The following CILP2 variants were observed in gnomAD, a reference collection of about 807,000 sequenced individuals.
CILP2 encodes cartilage intermediate layer protein 2, also known as CILP-2.
Under a neutral mutation model 45.6 loss-of-function variants are expected in CILP2, and 38 were observed. The ratio of observed to expected loss-of-function variants is 0.83; its 90% CI spans 0.64 to 1.09. The LOEUF is 1.09. Among genes scored for constraint, CILP2 ranks in the 50% least tolerant of loss-of-function variants. The pLI, the probability that CILP2 is intolerant of heterozygous loss-of-function variation, is 0.00. For missense variants in CILP2, 1,735 were observed against 1,662.2 expected, an observed-to-expected ratio of 1.04 and a Z score of -0.76; for synonymous variants, 780 against 723.5, an observed-to-expected ratio of 1.08 and a Z score of -1.25.
rs1391342399 is a variant in CILP2, at chr19:19,540,404, T to G, written c.364T>G (p.Trp122Gly). The G allele has an allele frequency of 2.6e-6, 4 of 1,517,252 alleles. No homozygotes were observed. Among genetic ancestry groups the G allele is most frequent in the Non-Finnish European group, 3.5e-6 (4 of 1,136,312 alleles). 94.0% of individuals were successfully genotyped at this position (1,517,252 alleles called of 1,614,324 possible). The change falls in exon 3 of 8, where the codon TGG (tryptophan) becomes GGG (glycine). Residue 122 changes from tryptophan to glycine, a missense_variant. By Grantham distance (184) the Trp-to-Gly change is radical. Coordinates refer to ENST00000291495, the MANE Select transcript of CILP2 (RefSeq NM_153221.2). Reference sequence around the variant, plus strand: ...GCACTTGAACCCCACGCGCGGCTTCTGGTGCCTCAACCGCGAGCAACCGCG... The same window carrying G: ...GCACTTGAACCCCACGCGCGGCTTCGGGTGCCTCAACCGCGAGCAACCGCG... ...RVHLNPTRGF[W>G]CLNREQPRGR... is the part of the protein sequence containing the mutation.
chr19:19,545,748 G>A lies in CILP2; in HGVS notation c.3203G>A (p.Ser1068Asn). 1.2e-6 allele frequency: 2 copies of A among 1,612,240 alleles called. No homozygotes were observed. Among genetic ancestry groups the A allele is most frequent in the Non-Finnish European group, 1.7e-6 (2 of 1,179,144 alleles). ...GGCGTCTACACTGTCACTGACCAGA[G>A]CCCACGCTTGGCCAAGGAGATCGCC... ...NYGVYTVTDQ[S>N]PRLAKEIAIG... is the part of the protein sequence containing the mutation. Residue 1068 changes from serine to asparagine, a missense_variant, in exon 8 of 8, where the codon AGC becomes AAC. Ser to Asn is a conservative substitution (Grantham distance 46, BLOSUM62 1). Coordinates refer to ENST00000291495, the MANE Select transcript of CILP2 (RefSeq NM_153221.2).
intron 7 of CILP2, 95 bp from the exon 8 acceptor site, chr19:19,543,586 T>G: frequency 7.2e-7 from 1 of 1,398,300 alleles, no homozygotes; most frequent in East Asian, 2.3e-5. Context: ...CCCCTGTCCC[T>G]TAGGTGGAGT....
chr19:19,546,049 C>G lies in CILP2; in HGVS notation c.*33C>G. 1 of 1,420,736 alleles carries G rather than the reference C, an allele frequency of 7.0e-7. No homozygotes were observed. Among genetic ancestry groups the G allele is most frequent in the Non-Finnish European group, 9.2e-7 (1 of 1,089,640 alleles). The allele number at this position is 1,420,736 out of a possible 1,614,324, so 88.0% of individuals were successfully genotyped here. On this transcript the variant is annotated 3_prime_UTR_variant, in exon 8 of 8. Coordinates refer to ENST00000291495, the MANE Select transcript of CILP2 (RefSeq NM_153221.2). Reference sequence around the variant, plus strand: ...AGGGGCCTCGCTTTCCCACCTCCCTCCAGACTCCTTTGACCCCAGGAAGTT... The same window carrying G: ...AGGGGCCTCGCTTTCCCACCTCCCTGCAGACTCCTTTGACCCCAGGAAGTT...
chr19:19,542,189 T>C (rs1242778853), intron 4 of CILP2, among the ~76,000 whole-genome samples, 186 bp from the exon 5 acceptor site: 1 of 152,162 alleles, frequency 6.6e-6, no homozygotes, highest in African/African-American at 2.4e-5. Flanking sequence ...GGCCCAGTCC[T>C]GACCACTTAG....
At chr19:19,540,674 C>A in intron 3 of CILP2, 198 bp downstream of exon 3, 1 of 645,528 alleles carries the variant, frequency 1.5e-6, no homozygotes, top group Non-Finnish European at 2.4e-6. Context: ...TGAAGAGAGG[C>A]GCTGGGAACA....
chr19:19,546,179 G>A lies in CILP2; in HGVS notation c.*163G>A. Reference sequence around the variant, plus strand: ...CAGACAAGAACCCAGAGCATCCGATGGTAGAAACACCAGGAAGACAATTGT... The same window carrying A: ...CAGACAAGAACCCAGAGCATCCGATAGTAGAAACACCAGGAAGACAATTGT... On this transcript the variant is annotated 3_prime_UTR_variant, in exon 8 of 8. Transcript: ENST00000291495. 1.9e-6 allele frequency: 1 copy of A among 516,246 alleles called. No homozygotes were observed. Among genetic ancestry groups the A allele is most frequent in the Non-Finnish European group, 3.2e-6 (1 of 310,508 alleles). 32.0% of individuals were successfully genotyped at this position (516,246 alleles called of 1,614,324 possible). A position where few individuals can be genotyped will look rare whatever the true frequency, so the allele number is the denominator to read the frequency against.
intron 4 of CILP2, 129 bp from the exon 5 acceptor site, chr19:19,542,246 G>A: frequency 1.0e-6 from 1 of 964,462 alleles, no homozygotes; most frequent in East Asian, 2.6e-5. Flanking sequence ...GGGCCATGCT[G>A]AGGCCTCTGA....
Position 19,542,421 on chromosome 19 carries a change from C to G in CILP2, c.639C>G (p.Gly213=), listed in dbSNP as rs761572978. The G allele has an allele frequency of 1.6e-5, 25 of 1,612,276 alleles. No individual in the cohort carries two copies. The highest frequency in any genetic ancestry group is 3.3e-5 in the South Asian group (3 of 91,076). Residue 213 remains glycine (G), a synonymous_variant, in exon 5 of 8, where the codon GGC becomes GGG. Coordinates refer to ENST00000291495, the MANE Select transcript of CILP2 (RefSeq NM_153221.2). ...AATGCCCGGACCACATCCTCCTGGG[C>G]TCGGTGGTCACCCCATCTGGGCAAC... The part of the protein sequence containing the change: ...TCECPDHILL[G]SVVTPSGQPL...
In CILP2 at chr19:19,541,187, G is replaced by A; in HGVS notation, c.533G>A (p.Gly178Glu). Residue 178 changes from glycine to glutamate, a missense_variant, in exon 4 of 8, where the codon GGG becomes GAG. Transcript: ENST00000291495. ...LRRRHCPSPA[G>E]DACPGRPLEA... Reference sequence around the variant, plus strand: ...CGCCGCCACTGCCCAAGCCCCGCTGGGGATGCGTGTCCCGGGCGTCCTCTG... The same window carrying A: ...CGCCGCCACTGCCCAAGCCCCGCTGAGGATGCGTGTCCCGGGCGTCCTCTG... 1 of 1,272,226 alleles carries A rather than the reference G, an allele frequency of 7.9e-7. No individual in the cohort carries two copies. Among genetic ancestry groups the A allele is most frequent in the Non-Finnish European group, 9.9e-7 (1 of 1,008,124 alleles). 78.8% of individuals were successfully genotyped at this position (1,272,226 alleles called of 1,614,324 possible).
intron 1 of CILP2, among the ~76,000 whole-genome samples, chr19:19,538,647 G>A (rs2061231521): frequency 6.6e-6 from 1 of 152,204 alleles, no homozygotes; most frequent in Non-Finnish European, 1.5e-5. Flanking sequence ...TTCCTCCCGG[G>A]GTTTGGACTC....
In CILP2 at chr19:19,545,351, T is replaced by C; in HGVS notation, c.2806T>C (p.Phe936Leu). ...GGCCTGGTGGCCCAACCCGCAGGAG[T>C]TCCGGGCCTGCTTCCTCAAGGTGAA... is the stretch of plus-strand genomic sequence containing the variant. Reference protein sequence around the residue: ...LLAWWPNPQEFRACFLKVKIQ... With the variant: ...LLAWWPNPQELRACFLKVKIQ... Residue 936 changes from phenylalanine (F) to leucine (L), a missense_variant, in exon 8 of 8, where the codon TTC (phenylalanine) becomes CTC (leucine). Physicochemically the swap from Phe to Leu is conservative, Grantham distance 22. Coordinates refer to ENST00000291495, the MANE Select transcript of CILP2 (RefSeq NM_153221.2). 6.2e-7 allele frequency: 1 copy of C among 1,612,304 alleles called. No homozygotes were observed. Among genetic ancestry groups the C allele is most frequent in the Non-Finnish European group, 8.5e-7 (1 of 1,179,726 alleles).
chr19:19,538,550 C>T (rs1721494716), intron 1 of CILP2, 137 bp downstream of exon 1: 2 of 627,460 alleles, frequency 3.2e-6, no homozygotes, highest in Admixed American at 7.9e-5. Flanking sequence ...CTTCACCAGT[C>T]GGATCCCCGC....
rs568789103 is a variant in CILP2 at position 19,545,010 on chromosome 19, C to T, written c.2465C>T (p.Pro822Leu). The change falls in exon 8 of 8, where the codon CCT becomes CTT. Residue 822 changes from proline (P) to leucine (L), a missense_variant. By Grantham distance (98) the Pro-to-Leu change is moderately conservative. Transcript: ENST00000291495. ...TLGGEELEPA[P>L]SLPRPLPATV... Reference sequence around the variant, plus strand: ...GGCGGCGAGGAGCTGGAGCCGGCCCCTTCCTTGCCCCGCCCACTCCCGGCC... The same window carrying T: ...GGCGGCGAGGAGCTGGAGCCGGCCCTTTCCTTGCCCCGCCCACTCCCGGCC... The T allele has an allele frequency of 4.4e-6, 7 of 1,603,882 alleles. No individual in the cohort carries two copies. The African/African-American group carries it at 9.3e-5, about 21-fold the overall frequency.
chr19:19,545,318 G>C lies in CILP2; in HGVS notation c.2773G>C (p.Asp925His), dbSNP rs1198258827. ...GGGCACACCTGCCTCCTGGACTGGC[G>C]ATCTCCTGGCCTGGTGGCCCAACCC... is the stretch of plus-strand genomic sequence containing the variant. ...REGTPASWTG[D>H]LLAWWPNPQE... Residue 925 changes from aspartate to histidine, a missense_variant, in exon 8 of 8, where the codon GAT becomes CAT. Physicochemically the swap from Asp to His is moderately conservative, Grantham distance 81. Transcript: ENST00000291495. 6.2e-7 allele frequency: 1 copy of C among 1,612,644 alleles called. No homozygotes were observed. Among genetic ancestry groups the C allele is most frequent in the East Asian group, 2.2e-5 (1 of 44,838 alleles).
At chr19:19,540,623 AG>A in intron 3 of CILP2, 147 bp downstream of exon 3, 1 of 942,842 alleles carries the variant, frequency 1.1e-6, no homozygotes, top group East Asian at 3.2e-5. Flanking sequence ...CCTTAGGCGT[AG>A]GACGACGTCA....
At position 19,542,451 on chromosome 19, in the gene CILP2, G is replaced by A. The variant is rs1400684890; in HGVS notation, c.669G>A (p.Leu223=). ...TGGTCACCCCATCTGGGCAACCACT[G>A]CTAGGAGCCAGGGTCTCCCTGCGAG... The part of the protein sequence containing the change: ...GSVVTPSGQP[L]LGARVSLRDQ... The change falls in exon 5 of 8, where the codon CTG becomes CTA. Residue 223 remains leucine, a synonymous_variant. Transcript: ENST00000291495. 6.2e-7 allele frequency: 1 copy of A among 1,612,570 alleles called. No individual in the cohort carries two copies. The highest frequency in any genetic ancestry group is 8.5e-7 in the Non-Finnish European group (1 of 1,180,008).
intron 4 of CILP2, 126 bp downstream of exon 4, chr19:19,541,372 C>A: frequency 1.2e-6 from 1 of 866,842 alleles, no homozygotes; most frequent in African/African-American, 1.8e-5. Flanking sequence ...AGTGCTTCTC[C>A]TGAGCGATGC....
chr19:19,544,512 T>C lies in CILP2; in HGVS notation c.1967T>C (p.Leu656Pro). 2 of 1,598,990 alleles carry C rather than the reference T, an allele frequency of 1.3e-6. No homozygotes were observed. Among genetic ancestry groups the C allele is most frequent in the Non-Finnish European group, 1.7e-6 (2 of 1,176,736 alleles). ...CGTGCGCCCGGCTCCGCGGAGCAGC[T>C]GCAGGTGGGGCCGGTGGCCGTGCGG... The part of the protein sequence containing the change: ...DLRAPGSAEQ[L>P]QVGPVAVRVA... Residue 656 changes from leucine (L) to proline (P), a missense_variant, in exon 8 of 8, where the codon CTG (leucine) becomes CCG (proline). Coordinates refer to ENST00000291495, the MANE Select transcript of CILP2 (RefSeq NM_153221.2).
At position 19,545,814 on chromosome 19, in the gene CILP2, G is replaced by C; in HGVS notation, c.3269G>C (p.Arg1090Thr). The C allele has an allele frequency of 3.8e-6, 6 of 1,591,136 alleles. No homozygotes were observed. Among genetic ancestry groups the C allele is most frequent in the Non-Finnish European group, 4.3e-6 (5 of 1,164,966 alleles). The change falls in exon 8 of 8, where the codon AGA becomes ACA. Residue 1090 changes from arginine (R) to threonine (T), a missense_variant. By Grantham distance (71) the Arg-to-Thr change is moderately conservative. Transcript: ENST00000291495. Reference sequence around the variant, plus strand: ...GATGGTTCCTCTGACGGCTTCTCCAGAGAGATGAAGGCTGATGCCGGCACA... The same window carrying C: ...GATGGTTCCTCTGACGGCTTCTCCACAGAGATGAAGGCTGATGCCGGCACA... ...CFDGSSDGFS[R>T]EMKADAGTAV...
Sources: gnomAD v4.1 joint callset for allele counts (sites outside exome capture counted in the v4.1 genomes callset) on GRCh38, gnomAD v4.1.1 for gene constraint, MANE v1.5 for transcripts, NCBI Gene and HGNC (gene_info 2026-07-23, HGNC 2026-07-21) for gene names.